Variants in SETDB2 observed in about 807,000 individuals in gnomAD.
SETDB2 encodes SET domain bifurcated histone lysine methyltransferase 2, also known as histone-lysine N-methyltransferase SETDB2.
In SETDB2, 56 loss-of-function variants were observed where a neutral mutation model predicts 82.5. The observed-to-expected ratio is 0.68, with a 90% CI of 0.55 to 0.85. SETDB2 has a LOEUF of 0.85. Among genes scored for constraint, SETDB2 ranks in the 40% least tolerant of loss-of-function variants. SETDB2 has a pLI of 0.00. For missense variants in SETDB2, 677 were observed against 816.4 expected (o/e 0.83, Z 2.08); for synonymous variants, 272 against 284.9 (o/e 0.95, Z 0.46).
At chr13:49,478,663 A>C (rs1200089579) in intron 6 of SETDB2, among the ~76,000 whole-genome samples, 1 of 152,208 alleles carries the variant, frequency 6.6e-6, no homozygotes, top group Non-Finnish European at 1.5e-5. Flanking sequence ...ACAGTGGCTC[A>C]TACCTGTAAT....
In SETDB2 at chr13:49,460,110, A is replaced by G. The variant is rs1263483011; in HGVS notation, c.20A>G (p.Asp7Gly). The G allele has an allele frequency of 6.2e-7, 1 of 1,609,980 alleles. No homozygotes were observed. Among genetic ancestry groups the G allele is most frequent in the Non-Finnish European group, 8.5e-7 (1 of 1,178,786 alleles). The change falls in exon 3 of 14, where the codon GAT becomes GGT. Residue 7 changes from aspartate to glycine, a missense_variant. This residue lies in a region of SETDB2 where 14 missense variants were observed against 24.6 expected (regional missense o/e 0.57). Transcript: ENST00000611815. The stretch of plus-strand genomic sequence containing the variant: ...TAGTCACTTATTTTTATTTTAGGCG[A>G]TGCAAAAACTTTCTGGATGGAGCTA... MGEKNGDAKTFWMELED... is the reference protein window; with the variant it reads MGEKNGGAKTFWMELED...
intron 5 of SETDB2, among the ~76,000 whole-genome samples, chr13:49,474,914 T>C (rs1958324497): frequency 6.6e-6 from 1 of 152,260 alleles, no homozygotes; most frequent in African/African-American, 2.4e-5. Context: ...ATGTGCCCAC[T>C]GGCTACCATA....
rs1187153591 is a variant in SETDB2 at position 49,493,582 on chromosome 13, T to A, written c.*1733T>A. 6.6e-6 allele frequency: 1 copy of A among 152,218 alleles called. No individual in the cohort carries two copies. The highest frequency in any genetic ancestry group is 6.5e-5 in the Admixed American group (1 of 15,282). The allele number at this position is 152,218 out of a possible 1,614,324, so 9.4% of individuals were successfully genotyped here. A position where few individuals can be genotyped will look rare whatever the true frequency, so the allele number is the denominator to read the frequency against. ...CTTTTCCTTGGTTTACTCTTCCACA[T>A]ATTGGTAAAGCTCTTCCAATAGCTT... On this transcript the variant is annotated 3_prime_UTR_variant, in exon 14 of 14. Transcript: ENST00000611815.
At chr13:49,460,286 C>T (rs1358038469) in intron 3 of SETDB2, 54 bp downstream of exon 3, 3 of 1,556,334 alleles carry the variant, frequency 1.9e-6, no homozygotes, top group Non-Finnish European at 2.6e-6. Flanking sequence ...TTCTCTCTGA[C>T]AGTACAGTAT....
intron 8 of SETDB2, among the ~76,000 whole-genome samples, chr13:49,481,474 G>A (rs1014114369): frequency 2.0e-5 from 3 of 151,760 alleles, no homozygotes; most frequent in Non-Finnish European, 2.9e-5. Flanking sequence ...CCAAGGTAAA[G>A]ATGACCAGTC....
At position 49,461,090 on chromosome 13, in the gene SETDB2, T is replaced by C; in HGVS notation, c.143-7T>C. On this transcript the variant is annotated splice_region_variant and splice_polypyrimidine_tract_variant and intron_variant, in intron 3 of 13. Coordinates refer to ENST00000611815, the MANE Select transcript of SETDB2 (RefSeq NM_001160308.3). The stretch of plus-strand genomic sequence containing the variant: ...TAATGGTGATGCTGTTTTTCTGTCT[T>C]TAACAGAATACATCCAAGCAATGAT... 6.2e-7 allele frequency: 1 copy of C among 1,607,082 alleles called. No individual in the cohort carries two copies. The highest frequency in any genetic ancestry group is 8.5e-7 in the Non-Finnish European group (1 of 1,175,056).
chr13:49,478,090 A>G (rs1424000910), intron 6 of SETDB2, among the ~76,000 whole-genome samples: 2 of 152,218 alleles, frequency 1.3e-5, no homozygotes, highest in African/African-American at 4.8e-5. Context: ...AAATAATTTA[A>G]ATAGTATAAT....
intron 11 of SETDB2, 136 bp downstream of exon 11, chr13:49,485,859 T>A: frequency 1.1e-6 from 1 of 876,272 alleles, no homozygotes; most frequent in Non-Finnish European, 2.0e-6. Context: ...CTTGTCTACA[T>A]AAGAGATCAG....
At chr13:49,482,321 C>T (rs1472135067) in intron 8 of SETDB2, 5 of 985,132 alleles carry the variant, frequency 5.1e-6, no homozygotes, top group Admixed American at 6.2e-5. Context: ...ACACTAAGAA[C>T]ATATCACCAC....
In SETDB2 at chr13:49,467,856, T is replaced by G; in HGVS notation, c.209-8T>G. Reference sequence around the variant, plus strand: ...TATATTTGTTGCTCACATTATTTTTTTGTGTAGATCCTATGCCTGTGACTC... The same window carrying G: ...TATATTTGTTGCTCACATTATTTTTGTGTGTAGATCCTATGCCTGTGACTC... On this transcript the variant is annotated splice_region_variant and splice_polypyrimidine_tract_variant and intron_variant, in intron 4 of 13. Transcript: ENST00000611815. 3 of 1,593,074 alleles carry G rather than the reference T, an allele frequency of 1.9e-6. No individual in the cohort carries two copies. The highest frequency in any genetic ancestry group is 1.7e-6 in the Non-Finnish European group (2 of 1,171,170).
Position 49,492,602 on chromosome 13 carries a change from A to G in SETDB2, c.*753A>G, listed in dbSNP as rs140586633. The G allele has an allele frequency of 1.1e-3, 166 of 152,374 alleles. No individual in the cohort carries two copies. The highest frequency in any genetic ancestry group is 3.8e-3 in the African/African-American group (160 of 41,572). The allele number at this position is 152,374 out of a possible 1,614,324, so 9.4% of individuals were successfully genotyped here. A position where few individuals can be genotyped will look rare whatever the true frequency, so the allele number is the denominator to read the frequency against. Reference sequence around the variant, plus strand: ...TACAGTTACTGAAAAGGAAACCTAGAAAGTAGTCACACGTTGCTTATTTAG... The same window carrying G: ...TACAGTTACTGAAAAGGAAACCTAGGAAGTAGTCACACGTTGCTTATTTAG... On this transcript the variant is annotated 3_prime_UTR_variant, in exon 14 of 14. Transcript: ENST00000611815.
At position 49,461,285 on chromosome 13, in the gene SETDB2, C is replaced by G. The variant is rs147780064; in HGVS notation, c.208+123C>G. On this transcript the variant is annotated intron_variant, in intron 4 of 13. Transcript: ENST00000611815. ...AAAATAAAATCTAACATCCACATTT[C>G]TAAGTTACATAAATCACAGTTTCCT... is the stretch of plus-strand genomic sequence containing the variant. The G allele has an allele frequency of 7.7e-6, 5 of 646,520 alleles. No homozygotes were observed. In the African/African-American group the frequency reaches 9.1e-5, roughly 12 times the overall value. 40.0% of individuals were successfully genotyped at this position (646,520 alleles called of 1,614,324 possible).
At chr13:49,482,457 C>T (rs190674468) in intron 8 of SETDB2, 45 of 378,408 alleles carry the variant, frequency 1.2e-4, no homozygotes, top group Non-Finnish European at 4.4e-5. Context: ...ACTTTCTCAT[C>T]CATATCTTTT....
chr13:49,483,344 T>C (rs928422327), intron 9 of SETDB2, 120 bp from the exon 10 acceptor site: 3 of 438,282 alleles, frequency 6.8e-6, no homozygotes, highest in Admixed American at 4.2e-5. Flanking sequence ...TAGATGTTCT[T>C]ACTTAGGTTA....
intron 4 of SETDB2, among the ~76,000 whole-genome samples, chr13:49,466,709 A>T (rs1434377155): frequency 6.6e-6 from 1 of 152,030 alleles, no homozygotes; most frequent in Non-Finnish European, 1.5e-5. Flanking sequence ...CAGTGGTGCA[A>T]GTATAGCTCA....
Position 49,467,889 on chromosome 13 carries a change from A to C in SETDB2, c.234A>C (p.Glu78Asp). The change falls in exon 5 of 14, where the codon GAA (glutamate) becomes GAC (aspartate). Residue 78 changes from glutamate to aspartate, a missense_variant. Glu to Asp is a conservative substitution (Grantham distance 45). This residue lies in a region of SETDB2 where 243 missense variants were observed against 237.2 expected (regional missense o/e 1.02). Transcript: ENST00000611815. ...ATCCTATGCCTGTGACTCAGAAGGA[A>C]CAGGAAAACAAATCCAATGCATTTC... ...IKDPMPVTQK[E>D]QENKSNAFPS... 1 of 1,611,286 alleles carries C rather than the reference A, an allele frequency of 6.2e-7. No individual in the cohort carries two copies. Among genetic ancestry groups the C allele is most frequent in the Non-Finnish European group, 8.5e-7 (1 of 1,179,080 alleles).
At chr13:49,479,622 C>T (rs1958439742) in intron 6 of SETDB2, among the ~76,000 whole-genome samples, 1 of 152,198 alleles carries the variant, frequency 6.6e-6, no homozygotes, top group Admixed American at 6.5e-5. Context: ...CCTAGTTACA[C>T]AGCTAGAGTC....
chr13:49,479,436 TTTG>T (rs1958434253), intron 6 of SETDB2, among the ~76,000 whole-genome samples: 1 of 152,222 alleles, frequency 6.6e-6, no homozygotes, highest in African/African-American at 2.4e-5. Flanking sequence ...AATTAATGAA[TTTG>T]TTGATTGTTG....
chr13:49,485,015 A>G (rs1958567416), intron 10 of SETDB2, among the ~76,000 whole-genome samples: 1 of 152,258 alleles, frequency 6.6e-6, no homozygotes, highest in Non-Finnish European at 1.5e-5. Context: ...TGAGATAAGC[A>G]TCAGCAACTT....
Sources: gnomAD v4.1 joint callset for allele counts (sites outside exome capture counted in the v4.1 genomes callset) on GRCh38, gnomAD v4.1.1 for gene constraint, gnomAD v4.1.1 regional missense constraint, MANE v1.5 for transcripts, NCBI Gene and HGNC (gene_info 2026-07-23, HGNC 2026-07-21) for gene names.